Variants in DYNLT5 observed in about 807,000 individuals in gnomAD.
DYNLT5 encodes dynein light chain Tctex-type 5.
A neutral mutation model predicts 19.3 loss-of-function variants in DYNLT5; 25 were observed. The observed-to-expected ratio is 1.30, with a 90% CI of 0.95 to 1.81. The LOEUF (loss-of-function observed/expected upper bound fraction) is 1.81. Ranked by LOEUF, DYNLT5 falls within the 40% of genes most tolerant of loss-of-function variation. The pLI is 0.00. For missense variants in DYNLT5, 232 were observed against 217.9 expected (o/e 1.06, Z -0.41); for synonymous variants, 82 against 68.9 (o/e 1.19, Z -0.94).
intron 2 of DYNLT5, among the ~76,000 whole-genome samples, chr1:66,756,622 G>T (rs1042646082): frequency 6.6e-6 from 1 of 152,130 alleles, no homozygotes; most frequent in Non-Finnish European, 1.5e-5. Flanking sequence ...AATCTCCCCC[G>T]CATTAATCCT....
At chr1:66,755,928 T>C (rs540967872) in intron 2 of DYNLT5, among the ~76,000 whole-genome samples, 1 of 152,334 alleles carries the variant, frequency 6.6e-6, no homozygotes, top group South Asian at 2.1e-4. Context: ...TAAGTAATAG[T>C]CTGACATAAA....
At chr1:66,775,497 AT>A (rs1364144209) in intron 3 of DYNLT5, 3 of 152,234 alleles carry the variant, frequency 2.0e-5, no homozygotes, top group Non-Finnish European at 4.4e-5. Flanking sequence ...TACATTAAAA[AT>A]TTCTTATGCC....
intron 2 of DYNLT5, among the ~76,000 whole-genome samples, chr1:66,764,888 C>T (rs1476422533): frequency 6.6e-6 from 1 of 152,140 alleles, no homozygotes; most frequent in Non-Finnish European, 1.5e-5. Context: ...CTGCTGGGGA[C>T]AAGTTGGTAT....
chr1:66,753,146 C>T (rs923734950), intron 1 of DYNLT5, among the ~76,000 whole-genome samples: 4 of 152,170 alleles, frequency 2.6e-5, no homozygotes, highest in African/African-American at 9.7e-5. Context: ...GACGCTCACA[C>T]TCACGTGCAC....
chr1:66,760,430 T>G (rs1396824046), intron 2 of DYNLT5, among the ~76,000 whole-genome samples: 1 of 152,220 alleles, frequency 6.6e-6, no homozygotes, highest in African/African-American at 2.4e-5. Flanking sequence ...AAGTTTCTTT[T>G]GCTCACGAAC....
chr1:66,776,171 C>G (rs941349876), intron 3 of DYNLT5, 108 bp from the exon 4 acceptor site: 29 of 1,407,872 alleles, frequency 2.1e-5, no homozygotes, highest in Non-Finnish European at 2.7e-5. Flanking sequence ...AGAGTCCACC[C>G]AGAAGATTAA....
chr1:66,757,519 T>C (rs959554486), intron 2 of DYNLT5, among the ~76,000 whole-genome samples: 2 of 152,200 alleles, frequency 1.3e-5, no homozygotes, highest in Non-Finnish European at 2.9e-5. Flanking sequence ...CTGTTAGACC[T>C]GGACATACAT....
At position 66,766,924 on chromosome 1, in the gene DYNLT5, G is replaced by C. The variant is rs986335718; in HGVS notation, c.120-3463G>C. Reference sequence around the variant, plus strand: ...TTCACATGTCCTCACTTATCAGTGGGAGCTAAATGATGAGAATTCATGAAC... The same window carrying C: ...TTCACATGTCCTCACTTATCAGTGGCAGCTAAATGATGAGAATTCATGAAC... On this transcript the variant is annotated intron_variant, in intron 2 of 4. Transcript: ENST00000282670. 2.0e-5 allele frequency among the ~76,000 whole-genome samples: 3 copies of C among 152,100 alleles called. No homozygotes were observed. In the East Asian group the frequency reaches 5.8e-4, roughly 29 times the overall value.
chr1:66,774,095 G>T (rs559216018), intron 3 of DYNLT5, among the ~76,000 whole-genome samples: 1 of 151,988 alleles, frequency 6.6e-6, no homozygotes, highest in Admixed American at 6.6e-5. Context: ...TGTACAACGG[G>T]AACTACTGGA....
chr1:66,769,441 C>A (rs1470729762), intron 2 of DYNLT5, among the ~76,000 whole-genome samples: 1 of 151,906 alleles, frequency 6.6e-6, no homozygotes, highest in Non-Finnish European at 1.5e-5. Flanking sequence ...AAAAAAGATC[C>A]CCAAAGATTA....
chr1:66,756,403 T>C (rs2094636074), intron 2 of DYNLT5, among the ~76,000 whole-genome samples: 1 of 152,198 alleles, frequency 6.6e-6, no homozygotes, highest in East Asian at 1.9e-4. Context: ...GTACAAGTTA[T>C]TCTCCTTCAT....
intron 2 of DYNLT5, among the ~76,000 whole-genome samples, chr1:66,762,497 C>T (rs142110709): frequency 1.3e-5 from 2 of 152,290 alleles, no homozygotes; most frequent in Admixed American, 6.5e-5. Context: ...GACTTGAACC[C>T]GTCAAAGTCA....
At chr1:66,754,183 T>A (rs2150857223) in intron 1 of DYNLT5, among the ~76,000 whole-genome samples, 1 of 152,280 alleles carries the variant, frequency 6.6e-6, no homozygotes, top group East Asian at 1.9e-4. Flanking sequence ...GGGGCAGTAG[T>A]GAGCCATGAT....
intron 2 of DYNLT5, among the ~76,000 whole-genome samples, chr1:66,758,431 TA>T (rs1234373585): frequency 6.6e-6 from 1 of 152,164 alleles, no homozygotes. Context: ...GGAGTTCCAC[TA>T]GTAGATTAGG....
At position 66,752,510 on chromosome 1, in the gene DYNLT5, G is replaced by C; in HGVS notation, c.-78G>C. On this transcript the variant is annotated 5_prime_UTR_variant, in exon 1 of 5. Coordinates refer to ENST00000282670, the MANE Select transcript of DYNLT5 (RefSeq NM_152665.3). ...CCGCCGGCTGAATGAAGCCTGGGAC[G>C]CGGGAGCCGCGCCGCGCGCAGTGTC... 1 of 985,570 alleles carries C rather than the reference G, an allele frequency of 1.0e-6. No individual in the cohort carries two copies. Among genetic ancestry groups the C allele is most frequent in the Non-Finnish European group, 1.2e-6 (1 of 830,036 alleles). 61.1% of individuals were successfully genotyped at this position (985,570 alleles called of 1,614,324 possible). A position where few individuals can be genotyped will look rare whatever the true frequency, so the allele number is the denominator to read the frequency against.
intron 2 of DYNLT5, among the ~76,000 whole-genome samples, chr1:66,759,512 G>GT (rs926566311): frequency 5.3e-5 from 8 of 151,996 alleles, no homozygotes; most frequent in African/African-American, 1.9e-4. Flanking sequence ...ATACATACAC[G>GT]TTTTTTTAAA....
At chr1:66,766,800 T>C (rs1305092396) in intron 2 of DYNLT5, among the ~76,000 whole-genome samples, 1 of 152,226 alleles carries the variant, frequency 6.6e-6, no homozygotes, top group Non-Finnish European at 1.5e-5. Flanking sequence ...CTATACTTTT[T>C]TATGATGTTA....
intron 2 of DYNLT5, among the ~76,000 whole-genome samples, chr1:66,765,918 T>C (rs1256717423): frequency 6.6e-6 from 1 of 152,238 alleles, no homozygotes; most frequent in African/African-American, 2.4e-5. Context: ...ACCAATTTCA[T>C]GCAGCTACTT....
intron 1 of DYNLT5, among the ~76,000 whole-genome samples, chr1:66,754,329 A>G (rs1438557395): frequency 6.6e-6 from 1 of 152,230 alleles, no homozygotes; most frequent in Non-Finnish European, 1.5e-5. Flanking sequence ...TTGGTTTCTG[A>G]TGTAGGATAG....
Sources: allele counts gnomAD v4.1 joint callset (sites outside exome capture counted in the v4.1 genomes callset), GRCh38; gene constraint gnomAD v4.1.1; transcripts MANE v1.5; gene names NCBI Gene and HGNC (gene_info 2026-07-23, HGNC 2026-07-21).